TGFB3: variants seen among roughly 807,000 people sequenced by gnomAD.
The protein encoded by TGFB3 is transforming growth factor beta-3 proprotein.
A neutral mutation model predicts 40.1 loss-of-function variants in TGFB3; 5 were observed. That is an observed-to-expected ratio of 0.12 (90% CI 0.07 to 0.26). TGFB3 has a LOEUF of 0.26. TGFB3 is among the 10% of genes least tolerant of loss of function. The pLI, the probability that TGFB3 is intolerant of heterozygous loss-of-function variation, is 1.00. For synonymous variants in TGFB3, 184 were observed against 205.6 expected (o/e 0.89, Z 0.90); for missense variants, 373 against 530.1 (o/e 0.70, Z 2.91).
At chr14:75,959,931 C>CTTTTTTTTTTTTTT (rs71122509) in intron 6 of TGFB3, among the ~76,000 whole-genome samples, 1 of 32,004 alleles carries the variant, frequency 3.1e-5, no homozygotes, top group African/African-American at 1.3e-4. Flanking sequence ...ATTATCTTGG[C>CTTTTTTTTTTTTTT]TTTTTTTTTT....
rs547264290 is a variant in TGFB3 at position 75,963,460 on chromosome 14, C to T, written c.782G>A (p.Arg261His). ...CTTCTTGAGGCGCCCCAGATCTCCA[C>T]GGCCATGGTCATCCTCATTGTCCAC... is the stretch of plus-strand genomic sequence containing the variant. ...KGVDNEDDHG[R>H]GDLGRLKKQK... The change falls in exon 5 of 7, where the codon CGT becomes CAT. Residue 261 changes from arginine to histidine, a missense_variant. Arg to His is a conservative substitution (Grantham distance 29). Coordinates refer to ENST00000238682, the MANE Select transcript of TGFB3 (RefSeq NM_003239.5). 4.3e-6 allele frequency: 7 copies of T among 1,614,198 alleles called. No individual in the cohort carries two copies. Among genetic ancestry groups the T allele is most frequent in the African/African-American group, 2.7e-5 (2 of 75,030 alleles).
intron 6 of TGFB3, among the ~76,000 whole-genome samples, chr14:75,960,655 G>T (rs2035144901): frequency 6.6e-6 from 1 of 152,182 alleles, no homozygotes; most frequent in African/African-American, 2.4e-5. Flanking sequence ...AGGGTAACAC[G>T]TGGCAGTTAA....
intron 3 of TGFB3, chr14:75,966,715 A>G (rs1336608605): frequency 2.0e-5 from 3 of 152,256 alleles, no homozygotes; most frequent in Admixed American, 1.3e-4. Context: ...TAGTTGTGGG[A>G]TCACATGTTT....
At chr14:75,963,624 A>T in intron 4 of TGFB3, 137 bp from the exon 5 acceptor site, 1 of 1,002,162 alleles carries the variant, frequency 1.0e-6, no homozygotes, top group Non-Finnish European at 1.5e-6. Flanking sequence ...GGACAAGTGC[A>T]GCTTAATTCT....
intron 1 of TGFB3, among the ~76,000 whole-genome samples, chr14:75,977,656 CAAAAAAAA>C (rs1196922250): frequency 1.5e-5 from 1 of 67,372 alleles, no homozygotes; most frequent in African/African-American, 5.7e-5. Flanking sequence ...ATCTCCCGGG[CAAAAAAAA>C]AAAAAAAAAA....
intron 4 of TGFB3, among the ~76,000 whole-genome samples, chr14:75,965,253 T>C (rs952458403): frequency 2.6e-5 from 4 of 152,212 alleles, no homozygotes; most frequent in African/African-American, 9.7e-5. Context: ...GTGTTCCTTA[T>C]TCATTATCTC....
At chr14:75,961,150 T>G (rs2035152471) in intron 5 of TGFB3, 74 bp from the exon 6 acceptor site, 1 of 1,555,430 alleles carries the variant, frequency 6.4e-7, no homozygotes, top group Non-Finnish European at 8.8e-7. Flanking sequence ...GCTCTCATAT[T>G]CTCCCTTGGA....
At position 75,959,516 on chromosome 14, in the gene TGFB3, T is replaced by C. The variant is rs552931959; in HGVS notation, c.1081-171A>G. On this transcript the variant is annotated intron_variant, in intron 6 of 6. Transcript: ENST00000238682. The stretch of plus-strand genomic sequence containing the variant: ...CGGGTGCAGTGGCTCACAGCTGTAG[T>C]CCCAGGACTTGGGAGGCAGAGGCAG... 9.9e-5 allele frequency among the ~76,000 whole-genome samples: 15 copies of C among 152,162 alleles called. No individual in the cohort carries two copies. In the South Asian group the frequency reaches 3.1e-3, roughly 32 times the overall value.
intron 5 of TGFB3, among the ~76,000 whole-genome samples, chr14:75,961,647 C>T (rs574725960): frequency 1.3e-5 from 2 of 152,162 alleles, no homozygotes; most frequent in East Asian, 1.9e-4. Flanking sequence ...GCAATAATAC[C>T]GCTTGCCAAG....
chr14:75,969,449 T>C (rs2035260544), intron 3 of TGFB3, among the ~76,000 whole-genome samples: 1 of 152,220 alleles, frequency 6.6e-6, no homozygotes, highest in African/African-American at 2.4e-5. Flanking sequence ...TAATCCAGAC[T>C]GGACGACCTC....
In TGFB3 at chr14:75,980,826, G is replaced by C. The variant is rs746886966; in HGVS notation, c.68C>G (p.Ser23Cys). 5 of 1,614,200 alleles carry C rather than the reference G, an allele frequency of 3.1e-6. No individual in the cohort carries two copies. In the South Asian group the frequency reaches 5.5e-5, roughly 18 times the overall value. The change falls in exon 1 of 7, where the codon TCT becomes TGT. Residue 23 changes from serine to cysteine, a missense_variant. Coordinates refer to ENST00000238682, the MANE Select transcript of TGFB3 (RefSeq NM_003239.5). The surrounding 1 kb of genome is among the most constrained non-coding windows in gnomAD (Gnocchi z 4.3). Reference protein sequence around the residue: ...ALLNFATVSLSLSTCTTLDFG... With the variant: ...ALLNFATVSLCLSTCTTLDFG... ...GTCCAAGGTGGTGCAAGTGGACAGA[G>C]AGAGGCTGACCGTGGCAAAGTTCAG... is the stretch of plus-strand genomic sequence containing the variant.
chr14:75,965,927 G>C (rs2035216251), intron 3 of TGFB3: 2 of 552,468 alleles, frequency 3.6e-6, no homozygotes, highest in Non-Finnish European at 6.5e-6. Flanking sequence ...CCAAATGGGG[G>C]CATACACTAG....
At chr14:75,966,185 G>C in intron 3 of TGFB3, 2 of 185,030 alleles carry the variant, frequency 1.1e-5, no homozygotes, top group South Asian at 1.2e-4. Flanking sequence ...TCCGAGCACA[G>C]AGACTGTGAT....
At position 75,959,092 on chromosome 14, in the gene TGFB3, CCT is replaced by C; in HGVS notation, c.*93_*94del. 1 of 1,524,582 alleles carries C rather than the reference CCT, an allele frequency of 6.6e-7. No individual in the cohort carries two copies. The highest frequency in any genetic ancestry group is 9.1e-7 in the Non-Finnish European group (1 of 1,100,734). The allele number at this position is 1,524,582 out of a possible 1,614,324, so 94.4% of individuals were successfully genotyped here. A position where few individuals can be genotyped will look rare whatever the true frequency, so the allele number is the denominator to read the frequency against. On this transcript the variant is annotated 3_prime_UTR_variant, in exon 7 of 7. Transcript: ENST00000238682. Reference sequence around the variant, plus strand: ...GGAGCCGAAGGTTGTGGGCTCCAGGCCTCTCAGTGAGGTTTGTTGCTTGTGTG... The same window carrying C: ...GGAGCCGAAGGTTGTGGGCTCCAGGCCTCAGTGAGGTTTGTTGCTTGTGTG...
intron 3 of TGFB3, among the ~76,000 whole-genome samples, chr14:75,969,261 G>T (rs2035258143): frequency 6.6e-6 from 1 of 152,202 alleles, no homozygotes; most frequent in Non-Finnish European, 1.5e-5. Flanking sequence ...GCATCAATAT[G>T]TGGATGGTCT....
At position 75,959,740 on chromosome 14, in the gene TGFB3, C is replaced by T. The variant is rs368732483; in HGVS notation, c.1081-395G>A. 3.1e-3 allele frequency among the ~76,000 whole-genome samples: 474 copies of T among 151,092 alleles called. 11 individuals are homozygous for T. In the South Asian group the frequency reaches 0.051, roughly 16 times the overall value. ...AAGCAGAAATAGTGCCACCGCACTC[C>T]AGCCTGAGCCACAGAGTGAGTCTGT... On this transcript the variant is annotated intron_variant, in intron 6 of 6. Transcript: ENST00000238682.
At chr14:75,965,756 C>T in intron 3 of TGFB3, 61 bp from the exon 4 acceptor site, 8 of 1,384,300 alleles carry the variant, frequency 5.8e-6, no homozygotes, top group Non-Finnish European at 8.2e-6. Flanking sequence ...AGTGTGCCCA[C>T]CACCCATGCA....
At position 75,959,217 on chromosome 14, in the gene TGFB3, G is replaced by A. The variant is rs142987949; in HGVS notation, c.1209C>T (p.Asn403=). ...TACATTTACAAGACTTCACCACCAT[G>A]TTGGAGAGCTGCTCCACTTTGGGGG... ...GRTPKVEQLS[N]MVVKSCKCS Residue 403 remains asparagine (N), a synonymous_variant, in exon 7 of 7, where the codon AAC becomes AAT. Transcript: ENST00000238682. 2 of 1,614,174 alleles carry A rather than the reference G, an allele frequency of 1.2e-6. No individual in the cohort carries two copies. The highest frequency in any genetic ancestry group is 1.7e-6 in the Non-Finnish European group (2 of 1,180,044).
chr14:75,961,104 C>G, intron 5 of TGFB3, 28 bp from the exon 6 acceptor site: 2 of 1,613,482 alleles, frequency 1.2e-6, no homozygotes, highest in Non-Finnish European at 1.7e-6. Context: ...TATAGAAAAT[C>G]AACTTAAAAC....
Sources: gnomAD v4.1 joint callset for allele counts (sites outside exome capture counted in the v4.1 genomes callset) on GRCh38, gnomAD v4.1.1 for gene constraint, Gnocchi (gnomAD v3.1) non-coding constraint, MANE v1.5 for transcripts, NCBI Gene and HGNC (gene_info 2026-07-23, HGNC 2026-07-21) for gene names.